WDPCP: variants seen among roughly 807,000 people sequenced by gnomAD.
WDPCP encodes the protein WD repeat containing planar cell polarity effector, also known as WD repeat-containing and planar cell polarity effector protein fritz homolog.
In WDPCP, 71 loss-of-function variants were observed where a neutral mutation model predicts 93.1. The ratio of observed to expected loss-of-function variants is 0.76; its 90% CI spans 0.63 to 0.93. The LOEUF (loss-of-function observed/expected upper bound fraction) is 0.93, where lower values mean the gene tolerates loss of function less well. WDPCP is among the 40% of genes least tolerant of loss of function. The pLI is 0.00. For missense variants in WDPCP, 844 were observed against 887.4 expected (o/e 0.95, Z 0.62); for synonymous variants, 315 against 315.0 (o/e 1.00, Z 0.00).
At chr2:63,834,420 G>A in the WDPCP span, among the ~76,000 whole-genome samples, 1 of 152,064 alleles carries the variant, frequency 6.6e-6, no homozygotes, top group Admixed American at 6.6e-5. Flanking sequence ...ACTGCTCTCT[G>A]CTCCAAATTC....
chr2:63,123,638 G>A (rs569817694), intron 17 of WDPCP, among the ~76,000 whole-genome samples: 16 of 151,930 alleles, frequency 1.1e-4, no homozygotes, highest in East Asian at 5.8e-4. Context: ...TATACTCTAC[G>A]TACCTTAGAC....
chr2:63,514,173 C>G (rs976425954), intron 1 of WDPCP, among the ~76,000 whole-genome samples: 1 of 152,090 alleles, frequency 6.6e-6, no homozygotes, highest in Non-Finnish European at 1.5e-5. Context: ...CTGGAGAGAG[C>G]TGGGAAAGAT....
chr2:63,700,949 A>G (rs1669039811), intron 2 of WDPCP, among the ~76,000 whole-genome samples: 1 of 152,374 alleles, frequency 6.6e-6, no homozygotes, highest in South Asian at 2.1e-4. Context: ...ACTCCAGGAC[A>G]TTGGTCTTGG....
At chr2:63,483,972 C>G (rs1038737129) in intron 6 of WDPCP, among the ~76,000 whole-genome samples, 1 of 151,914 alleles carries the variant, frequency 6.6e-6, no homozygotes, top group Non-Finnish European at 1.5e-5. Flanking sequence ...TCCAATAGAA[C>G]TGTCTGAGAT....
At chr2:63,830,664 A>C (rs1315573260), upstream of WDPCP, among the ~76,000 whole-genome samples, 3 of 152,110 alleles carry the variant, frequency 2.0e-5, no homozygotes, top group African/African-American at 7.2e-5. Flanking sequence ...CAGTTAACTG[A>C]ATTCTCATAA....
chr2:63,450,769 T>C (rs1698188618), intron 6 of WDPCP, among the ~76,000 whole-genome samples: 1 of 152,092 alleles, frequency 6.6e-6, no homozygotes, highest in Admixed American at 6.5e-5. Flanking sequence ...ATAGAGAGAC[T>C]ATACTACTGA....
chr2:63,462,669 C>G (rs1301944834), intron 6 of WDPCP, among the ~76,000 whole-genome samples: 5 of 151,870 alleles, frequency 3.3e-5, no homozygotes, highest in African/African-American at 1.2e-4. Context: ...GGATGGAGAA[C>G]CTCTGGCAGA....
intron 3 of WDPCP, chr2:63,595,591 T>G (rs1709295507): frequency 2.2e-6 from 2 of 907,604 alleles, no homozygotes; most frequent in East Asian, 2.5e-5. Flanking sequence ...AGGTTTTTGT[T>G]AAAGGCTCTC....
At chr2:63,545,501 T>G (rs1302296141) in intron 1 of WDPCP, among the ~76,000 whole-genome samples, 4 of 152,144 alleles carry the variant, frequency 2.6e-5, no homozygotes, top group Admixed American at 2.6e-4. Flanking sequence ...TAGTGTCTAT[T>G]ACCCTCTGTT....
At chr2:63,304,751 C>T (rs1187811090) in intron 13 of WDPCP, among the ~76,000 whole-genome samples, 2 of 152,086 alleles carry the variant, frequency 1.3e-5, no homozygotes, top group South Asian at 2.1e-4. Context: ...GAGACACAAC[C>T]GTTTACTTCC....
chr2:63,137,501 A>G (rs921608299), intron 17 of WDPCP, among the ~76,000 whole-genome samples: 28 of 151,924 alleles, frequency 1.8e-4, no homozygotes, highest in Non-Finnish European at 3.4e-4. Context: ...TCTGCAGGTT[A>G]TCTGTTTACT....
At chr2:63,542,979 CAAAAT>C (rs1704857670) in intron 1 of WDPCP, among the ~76,000 whole-genome samples, 1 of 151,922 alleles carries the variant, frequency 6.6e-6, no homozygotes, top group Non-Finnish European at 1.5e-5. Context: ...AACATTACCT[CAAAAT>C]AAAAATATCA....
intron 2 of WDPCP, among the ~76,000 whole-genome samples, chr2:63,487,938 T>C (rs1700660341): frequency 6.6e-6 from 1 of 152,094 alleles, no homozygotes; most frequent in South Asian, 2.1e-4. Flanking sequence ...GTTCCTATTC[T>C]ACGGCATTTG....
Position 63,437,435 on chromosome 2 carries a change from C to G in WDPCP, c.619G>C (p.Ala207Pro). 1.2e-6 allele frequency: 2 copies of G among 1,601,032 alleles called. No individual in the cohort carries two copies. Among genetic ancestry groups the G allele is most frequent in the Non-Finnish European group, 1.7e-6 (2 of 1,172,812 alleles). The change falls in exon 8 of 18, where the codon GCC (alanine) becomes CCC (proline). Residue 207 changes from alanine (A) to proline (P), a missense_variant. Coordinates refer to ENST00000272321, the MANE Select transcript of WDPCP (RefSeq NM_015910.7). ...DVNKRLEKLS[A>P]LDYKIFYYEI... ...AAAATCTCTACCTTATAATCCAAGG[C>G]TGAGAGTTTTTCCAGTCTTTTGTTT...
At chr2:63,715,150 G>A (rs776576613) in intron 2 of WDPCP, among the ~76,000 whole-genome samples, 1 of 152,212 alleles carries the variant, frequency 6.6e-6, no homozygotes. Context: ...GGGCCTTGTG[G>A]TAAGTGGGTA....
the WDPCP span, among the ~76,000 whole-genome samples, chr2:63,840,262 G>C: frequency 6.6e-6 from 1 of 152,226 alleles, no homozygotes; most frequent in Non-Finnish European, 1.5e-5. Flanking sequence ...TTGACAAGCC[G>C]TGGGCTGGCC....
intron 2 of WDPCP, among the ~76,000 whole-genome samples, chr2:63,700,282 C>CAAAAAAAAAAAAAAAA (rs1196006011): frequency 3.9e-4 from 16 of 41,558 alleles, no homozygotes; most frequent in Non-Finnish European, 4.8e-4. Flanking sequence ...GACCCTGTCT[C>CAAAAAAAAAAAAAAAA]AAAAAAAAAA....
At chr2:63,322,805 G>C (rs1687224103) in intron 12 of WDPCP, among the ~76,000 whole-genome samples, 1 of 152,020 alleles carries the variant, frequency 6.6e-6, no homozygotes, top group African/African-American at 2.4e-5. Context: ...CAAGAAGTGA[G>C]ACTATCGCCT....
chr2:63,470,471 A>G (rs777340445), intron 6 of WDPCP, among the ~76,000 whole-genome samples: 2 of 152,070 alleles, frequency 1.3e-5, no homozygotes, highest in Non-Finnish European at 2.9e-5. Context: ...TATACCCCAC[A>G]TTTGATCCAT....
Sources: gnomAD v4.1 joint callset for allele counts (sites outside exome capture counted in the v4.1 genomes callset) on GRCh38, gnomAD v4.1.1 for gene constraint, MANE v1.5 for transcripts, NCBI Gene and HGNC (gene_info 2026-07-23, HGNC 2026-07-21) for gene names.